RIN2: variants seen among roughly 807,000 people sequenced by gnomAD.
RIN2 encodes Ras and Rab interactor 2, also known as RAB5 interacting protein 2.
RIN2 carries 36 observed loss-of-function variants against 78.0 expected under a neutral mutation model. The observed-to-expected ratio is 0.46, with a 90% CI of 0.35 to 0.61. The LOEUF (loss-of-function observed/expected upper bound fraction) is 0.61, where lower values mean the gene tolerates loss of function less well. Ranked by LOEUF, RIN2 falls within the 20% of genes least tolerant of loss-of-function variation. The pLI, the probability that RIN2 is intolerant of heterozygous loss-of-function variation, is 0.00. For missense variants in RIN2, 1,087 were observed against 1,159.7 expected (o/e 0.94, Z 0.91); for synonymous variants, 466 against 466.8 (o/e 1.00, Z 0.02).
chr20:19,897,135 T>G (rs1803147461), intron 3 of RIN2, among the ~76,000 whole-genome samples: 1 of 152,102 alleles, frequency 6.6e-6, no homozygotes, highest in African/African-American at 2.4e-5. Context: ...AGACAGAGTC[T>G]CTCTCTGTCG....
intron 3 of RIN2, chr20:19,895,665 C>T (rs1020284030): frequency 6.6e-6 from 1 of 152,240 alleles, no homozygotes; most frequent in African/African-American, 2.4e-5. Context: ...AGAGGCCCAA[C>T]TTGAGAGGCC....
At chr20:19,819,243 C>T (rs2035860751) in intron 2 of RIN2, among the ~76,000 whole-genome samples, 1 of 152,214 alleles carries the variant, frequency 6.6e-6, no homozygotes, top group South Asian at 2.1e-4. Flanking sequence ...TGGTCAGGCT[C>T]TGATGAGGGC....
intron 4 of RIN2, among the ~76,000 whole-genome samples, chr20:19,945,134 A>T (rs181543737): frequency 4.0e-4 from 61 of 152,302 alleles, no homozygotes; most frequent in Admixed American, 1.0e-3. Context: ...ACTGAGATTA[A>T]ACAGTGCATG....
chr20:19,853,428 T>G (rs1245394424), intron 2 of RIN2, among the ~76,000 whole-genome samples: 1 of 152,154 alleles, frequency 6.6e-6, no homozygotes, highest in East Asian at 1.9e-4. Context: ...AAATGGTATT[T>G]CTAGTTCTAG....
intron 2 of RIN2, chr20:19,824,027 G>A (rs2036008969): frequency 1.2e-6 from 1 of 819,678 alleles, no homozygotes; most frequent in Non-Finnish European, 2.0e-6. Context: ...GCCGAAAGCC[G>A]AGAGAGCTGC....
chr20:19,992,111 T>A lies in RIN2; in HGVS notation c.2069-57T>A, dbSNP rs905040871. On this transcript the variant is annotated intron_variant, in intron 10 of 12. Coordinates refer to ENST00000255006, the MANE Select transcript of RIN2 (RefSeq NM_018993.4). The stretch of plus-strand genomic sequence containing the variant: ...TGTCTAATAAAAGCAGCAAGAAGGA[T>A]GTGAAAGAAAGAAAAGTTGGTAAAA... The A allele has an allele frequency of 1.2e-5, 19 of 1,581,384 alleles. No homozygotes were observed. In the African/African-American group the frequency reaches 2.6e-4, roughly 21 times the overall value.
At chr20:19,777,085 G>A (rs1048924709) in intron 1 of RIN2, among the ~76,000 whole-genome samples, 1 of 152,202 alleles carries the variant, frequency 6.6e-6, no homozygotes, top group Non-Finnish European at 1.5e-5. Context: ...GTTCAGGGGC[G>A]GGTCCATCCG....
At chr20:19,976,823 T>C (rs961328426) in intron 9 of RIN2, among the ~76,000 whole-genome samples, 1 of 151,098 alleles carries the variant, frequency 6.6e-6, no homozygotes, top group African/African-American at 2.5e-5. Context: ...GATAGAGGGC[T>C]CTTTCTCTTT....
At chr20:19,879,622 C>A (rs183771296) in intron 2 of RIN2, among the ~76,000 whole-genome samples, 1 of 152,156 alleles carries the variant, frequency 6.6e-6, no homozygotes, top group African/African-American at 2.4e-5. Flanking sequence ...AAACACACAG[C>A]GTGGTCAATT....
chr20:19,869,452 G>C (rs544330456), intron 2 of RIN2, among the ~76,000 whole-genome samples: 1 of 152,332 alleles, frequency 6.6e-6, no homozygotes, highest in East Asian at 1.9e-4. Context: ...ACTGACCCCA[G>C]GGAAGGGCCA....
intron 2 of RIN2, among the ~76,000 whole-genome samples, chr20:19,835,296 T>A (rs1477126812): frequency 6.6e-6 from 1 of 152,126 alleles, no homozygotes; most frequent in Non-Finnish European, 1.5e-5. Context: ...TATGTGGGTG[T>A]GTGGTGGTGG....
intron 3 of RIN2, among the ~76,000 whole-genome samples, chr20:19,926,962 T>C (rs1304915658): frequency 6.6e-6 from 1 of 152,184 alleles, no homozygotes; most frequent in African/African-American, 2.4e-5. Context: ...CCCTTTTCCC[T>C]CCTCCCTGCA....
At chr20:19,860,224 G>A (rs1321271274) in intron 2 of RIN2, among the ~76,000 whole-genome samples, 2 of 152,214 alleles carry the variant, frequency 1.3e-5, no homozygotes, top group African/African-American at 2.4e-5. Context: ...CTGATGGTTG[G>A]AAGTCAGAAA....
At chr20:19,995,093 G>T (rs2042912804) in intron 11 of RIN2, among the ~76,000 whole-genome samples, 1 of 152,056 alleles carries the variant, frequency 6.6e-6, no homozygotes, top group South Asian at 2.1e-4. Context: ...GGGGACAGTT[G>T]CCATCTTGCA....
intron 2 of RIN2, among the ~76,000 whole-genome samples, chr20:19,886,241 A>G (rs989979008): frequency 4.6e-5 from 7 of 152,210 alleles, no homozygotes; most frequent in South Asian, 2.1e-4. Flanking sequence ...TCCTGGCCTC[A>G]GTGGCTGTCA....
chr20:19,789,842 A>G (rs2034833927), intron 1 of RIN2, among the ~76,000 whole-genome samples: 1 of 152,084 alleles, frequency 6.6e-6, no homozygotes, highest in Non-Finnish European at 1.5e-5. Flanking sequence ...TCGAGTTGCA[A>G]TTTGTCTTCC....
intron 2 of RIN2, among the ~76,000 whole-genome samples, chr20:19,864,850 A>G (rs188996669): frequency 1.6e-4 from 24 of 152,334 alleles, no homozygotes; most frequent in Admixed American, 1.5e-3. Flanking sequence ...TTTTATTTGT[A>G]AATTATATTT....
chr20:19,874,268 A>AG (rs2037787767), intron 2 of RIN2, among the ~76,000 whole-genome samples: 1 of 152,218 alleles, frequency 6.6e-6, no homozygotes, highest in Admixed American at 6.5e-5. Context: ...ATATTAAATA[A>AG]GGTGGTTTTA....
chr20:19,894,701 T>C (rs766103935), intron 3 of RIN2, among the ~76,000 whole-genome samples: 2 of 152,226 alleles, frequency 1.3e-5, no homozygotes, highest in Non-Finnish European at 2.9e-5. Flanking sequence ...GCAGAGATAA[T>C]TGGAAGGCAA....
Sources: allele counts gnomAD v4.1 joint callset (sites outside exome capture counted in the v4.1 genomes callset), GRCh38; gene constraint gnomAD v4.1.1; transcripts MANE v1.5; gene names NCBI Gene and HGNC (gene_info 2026-07-23, HGNC 2026-07-21).